Variants in EPHA4 observed in about 807,000 individuals in gnomAD.
EPHA4 encodes the protein EPH receptor A4, also known as ephrin type-A receptor 4.
In EPHA4, 19 loss-of-function variants were observed where a neutral mutation model predicts 108.3. That is an observed-to-expected ratio of 0.18 (90% confidence interval 0.12 to 0.26). The LOEUF is 0.26. Among genes scored for constraint, EPHA4 ranks in the 10% least tolerant of loss-of-function variants. EPHA4 has a pLI of 1.00. For synonymous variants in EPHA4, 449 were observed against 455.5 expected (o/e 0.99, Z 0.18); for missense variants, 917 against 1,254.0 (o/e 0.73, Z 4.06).
At position 221,501,078 on chromosome 2, in the gene EPHA4, C is replaced by A; in HGVS notation, c.918G>T (p.Ser306=). ...HSYSVWEGAT[S]CTCDRGFFRA... ...TGAAAAAGCCTCGGTCACAGGTGCA[C>A]GAGGTGGCTCCTTCCCAGACAGAGT... Residue 306 remains serine (S), a synonymous_variant, in exon 4 of 18, where the codon TCG becomes TCT. Transcript: ENST00000281821. 6.2e-7 allele frequency: 1 copy of A among 1,613,472 alleles called. No individual in the cohort carries two copies. Among genetic ancestry groups the A allele is most frequent in the Non-Finnish European group, 8.5e-7 (1 of 1,179,668 alleles).
intron 3 of EPHA4, among the ~76,000 whole-genome samples, chr2:221,517,812 A>T (rs1344910418): frequency 6.6e-6 from 1 of 152,176 alleles, no homozygotes; most frequent in East Asian, 1.9e-4. Context: ...AACAGCTTTG[A>T]TGAGGCTTGG....
intron 3 of EPHA4, among the ~76,000 whole-genome samples, chr2:221,558,215 T>A (rs1326288208): frequency 2.0e-5 from 3 of 152,194 alleles, no homozygotes; most frequent in African/African-American, 7.2e-5. Flanking sequence ...TGGCTATATT[T>A]GAGTTGCCTG....
intron 3 of EPHA4, among the ~76,000 whole-genome samples, chr2:221,550,376 TTTTATAAATCAA>T (rs1330157164): frequency 6.7e-6 from 1 of 149,290 alleles, no homozygotes; most frequent in Non-Finnish European, 1.5e-5. Context: ...ACTATTTTAA[TTTTATAAATCAA>T]TTATAGTACC....
At chr2:221,521,563 C>T (rs1693165539) in intron 3 of EPHA4, among the ~76,000 whole-genome samples, 1 of 151,944 alleles carries the variant, frequency 6.6e-6, no homozygotes, top group South Asian at 2.1e-4. Context: ...AAAATATCTG[C>T]CAAAAGCGTA....
At chr2:221,457,647 C>T (rs745867653) in intron 6 of EPHA4, among the ~76,000 whole-genome samples, 1 of 151,848 alleles carries the variant, frequency 6.6e-6, no homozygotes, top group Non-Finnish European at 1.5e-5. Flanking sequence ...AATTGGGAAG[C>T]AAAATGCATT....
rs1689679196 is a variant in EPHA4 at position 221,419,304 on chromosome 2, A to G, written c.*2068T>C. 6.6e-6 allele frequency: 1 copy of G among 152,648 alleles called. No homozygotes were observed. Among genetic ancestry groups the G allele is most frequent in the Non-Finnish European group, 1.5e-5 (1 of 68,034 alleles). The allele number at this position is 152,648 out of a possible 1,614,324, so 9.5% of individuals were successfully genotyped here. ...TAATTACTGTAGAACTTTCCAGGTA[A>G]TTAGGGAATGTGAAATTGCCTGAGG... is the stretch of plus-strand genomic sequence containing the variant. On this transcript the variant is annotated 3_prime_UTR_variant, in exon 18 of 18. Transcript: ENST00000281821.
At chr2:221,506,774 G>A (rs910299896) in intron 3 of EPHA4, among the ~76,000 whole-genome samples, 4 of 152,174 alleles carry the variant, frequency 2.6e-5, no homozygotes, top group Admixed American at 6.5e-5. Context: ...TTTCTGTAAA[G>A]AGCCAGAGGC....
At chr2:221,485,725 TAA>T (rs1691956326) in intron 4 of EPHA4, among the ~76,000 whole-genome samples, 1 of 152,076 alleles carries the variant, frequency 6.6e-6, no homozygotes, top group Admixed American at 6.6e-5. Flanking sequence ...TACAAATATA[TAA>T]GTGTGTTTCT....
chr2:221,423,148 G>A (rs186706478), intron 17 of EPHA4, among the ~76,000 whole-genome samples: 102 of 152,264 alleles, frequency 6.7e-4, no homozygotes, highest in African/African-American at 2.3e-3. Flanking sequence ...GGAGCTCACC[G>A]TGTTTTACTT....
At chr2:221,474,452 T>C (rs1691597693) in intron 5 of EPHA4, among the ~76,000 whole-genome samples, 1 of 151,132 alleles carries the variant, frequency 6.6e-6, no homozygotes, top group African/African-American at 2.4e-5. Flanking sequence ...CCGCATGTTG[T>C]TTTTAAATGT....
chr2:221,461,458 AAG>A (rs1323182589), intron 5 of EPHA4, among the ~76,000 whole-genome samples: 1 of 21,632 alleles, frequency 4.6e-5, no homozygotes, highest in Non-Finnish European at 2.4e-4. Flanking sequence ...CTAAGTTCAA[AAG>A]AGAGTTTCTA....
At chr2:221,437,533 G>A (rs532383804) in intron 11 of EPHA4, 1 of 156,496 alleles carries the variant, frequency 6.4e-6, no homozygotes, top group East Asian at 1.9e-4. Context: ...GAGGTCAATA[G>A]GCAATAAACT....
chr2:221,443,628 T>C (rs771124429), intron 9 of EPHA4, 22 bp from the exon 10 acceptor site: 2 of 1,559,062 alleles, frequency 1.3e-6, no homozygotes, highest in Non-Finnish European at 1.8e-6. Context: ...ACATGATAAG[T>C]TGGCTGAATA....
chr2:221,437,814 T>A (rs1053155836), intron 11 of EPHA4, among the ~76,000 whole-genome samples: 2 of 151,034 alleles, frequency 1.3e-5, no homozygotes, highest in East Asian at 3.9e-4. Flanking sequence ...TCCCAGCTAC[T>A]CAGGAGGCTG....
intron 3 of EPHA4, chr2:221,502,520 G>C: frequency 2.1e-6 from 1 of 471,236 alleles, no homozygotes; most frequent in Non-Finnish European, 4.4e-6. Context: ...CAACGCAGCA[G>C]ATCTTACTGA....
intron 3 of EPHA4, among the ~76,000 whole-genome samples, chr2:221,555,552 T>C (rs1443647668): frequency 6.6e-6 from 1 of 152,204 alleles, no homozygotes. Flanking sequence ...TGAATATTCA[T>C]AAAATGTTCA....
At chr2:221,536,255 C>T (rs1693665167) in intron 3 of EPHA4, among the ~76,000 whole-genome samples, 1 of 152,194 alleles carries the variant, frequency 6.6e-6, no homozygotes, top group Non-Finnish European at 1.5e-5. Context: ...TGTCCATGAT[C>T]AGATCAGATA....
chr2:221,479,307 T>A (rs566121588), intron 5 of EPHA4, among the ~76,000 whole-genome samples: 1 of 152,336 alleles, frequency 6.6e-6, no homozygotes, highest in East Asian at 1.9e-4. Context: ...CCTCAACTCT[T>A]AAAGTCTCAA....
At chr2:221,542,558 C>T (rs1001375958) in intron 3 of EPHA4, among the ~76,000 whole-genome samples, 10 of 152,106 alleles carry the variant, frequency 6.6e-5, no homozygotes, top group African/African-American at 2.4e-4. Flanking sequence ...TTGGTGAAAC[C>T]CTAAAGGCAT....
Sources: allele counts gnomAD v4.1 joint callset (sites outside exome capture counted in the v4.1 genomes callset), GRCh38; gene constraint gnomAD v4.1.1; transcripts MANE v1.5; gene names NCBI Gene and HGNC (gene_info 2026-07-23, HGNC 2026-07-21).